FGF14: variants seen among roughly 807,000 people sequenced by gnomAD.
FGF14 encodes fibroblast growth factor 14.
In FGF14, 5 loss-of-function variants were observed where a neutral mutation model predicts 25.5. That is an observed-to-expected ratio of 0.20 (90% CI 0.10 to 0.41). The LOEUF (loss-of-function observed/expected upper bound fraction) is 0.41, where lower values mean the gene tolerates loss of function less well. Ranked by LOEUF, FGF14 falls within the 10% of genes least tolerant of loss-of-function variation. The pLI, the probability that FGF14 is intolerant of heterozygous loss-of-function variation, is 1.00. For missense variants in FGF14, 222 were observed against 320.1 expected (o/e 0.69, Z 2.34); for synonymous variants, 138 against 118.3 (o/e 1.17, Z -1.08).
At chr13:101,825,029 CT>C (rs1178769114) in intron 3 of FGF14, among the ~76,000 whole-genome samples, 1 of 152,170 alleles carries the variant, frequency 6.6e-6, no homozygotes, top group East Asian at 1.9e-4. Flanking sequence ...TTCATATGTC[CT>C]TTGTAATAAA....
rs1415051 is a variant in FGF14, at chr13:102,178,583, T to G, written c.208+222888A>C. 2.9e-3 allele frequency among the ~76,000 whole-genome samples: 436 copies of G among 152,236 alleles called. 3 individuals carry two copies. The highest frequency in any genetic ancestry group is 0.01 in the African/African-American group (417 of 41,556). On this transcript the variant is annotated intron_variant, in intron 1 of 4. Coordinates refer to the FGF14 transcript ENST00000376131. ...AGTTTCTAATGCCTATTATTCTATA[T>G]TCTATGTCCACGTGTACACGTTATT...
intron 1 of FGF14, among the ~76,000 whole-genome samples, chr13:102,090,737 C>T (rs1566672542): frequency 1.3e-5 from 2 of 152,188 alleles, no homozygotes; most frequent in African/African-American, 2.4e-5. Context: ...TCCATTAATG[C>T]CTGTCCATTC....
In FGF14 at chr13:101,780,971, T is replaced by C. The variant is rs115799915; in HGVS notation, c.409-54161A>G. Among the ~76,000 whole-genome samples, 1,156 of 152,200 alleles carry C rather than the reference T, an allele frequency of 7.6e-3. 15 individuals carry two copies. The highest frequency in any genetic ancestry group is 0.026 in the African/African-American group (1,066 of 41,534). ...CCCACTGCTGACAACTCTGCCTCTA[T>C]TTCGTGCGCGTGCCTCATCAGCCAC... On this transcript the variant is annotated intron_variant, in intron 3 of 4. Coordinates refer to ENST00000376143, the MANE Select transcript of FGF14 (RefSeq NM_004115.4).
At chr13:101,807,130 T>A (rs2041247588) in intron 3 of FGF14, among the ~76,000 whole-genome samples, 1 of 152,170 alleles carries the variant, frequency 6.6e-6, no homozygotes, top group Admixed American at 6.6e-5. Context: ...AACCTTATTC[T>A]TTTAGTTCAC....
intron 1 of FGF14, among the ~76,000 whole-genome samples, chr13:102,272,570 C>T (rs1022598765): frequency 5.9e-5 from 9 of 152,096 alleles, no homozygotes; most frequent in Non-Finnish European, 8.8e-5. Context: ...TAAATGACTA[C>T]GGCACACAAG....
chr13:102,303,249 C>G (rs1238601319), intron 1 of FGF14, among the ~76,000 whole-genome samples: 1 of 152,166 alleles, frequency 6.6e-6, no homozygotes, highest in Non-Finnish European at 1.5e-5. Flanking sequence ...GTGAGGATTT[C>G]CTTAACCATC....
intron 1 of FGF14, among the ~76,000 whole-genome samples, chr13:102,006,791 G>A (rs1451091959): frequency 8.3e-6 from 1 of 121,002 alleles, no homozygotes; most frequent in Non-Finnish European, 1.6e-5. Flanking sequence ...AGGTCGGACT[G>A]CGGACTGCAG....
chr13:102,390,744 A>G (rs919412555), intron 1 of FGF14, among the ~76,000 whole-genome samples: 3 of 152,232 alleles, frequency 2.0e-5, no homozygotes, highest in Non-Finnish European at 4.4e-5. Flanking sequence ...GTTGTTATCA[A>G]CTAATAATAA....
exon 1 of FGF14, chr13:102,401,732 A>G (rs576767319): frequency 2.0e-6 from 3 of 1,474,074 alleles, no homozygotes; most frequent in South Asian, 2.3e-5. Flanking sequence ...CTCACGTGGT[A>G]TATTTCTTTG....
rs562788459 is a variant in FGF14, at chr13:101,822,274, C to T, written c.408+46451G>A. On this transcript the variant is annotated intron_variant, in intron 3 of 4. Coordinates refer to ENST00000376143, the MANE Select transcript of FGF14 (RefSeq NM_004115.4). Reference sequence around the variant, plus strand: ...TTTTTATGGAAAAGGCCATTCCACACCCACTGAATTGCAGTGGAGACTTTA... The same window carrying T: ...TTTTTATGGAAAAGGCCATTCCACATCCACTGAATTGCAGTGGAGACTTTA... 1.6e-4 allele frequency among the ~76,000 whole-genome samples: 25 copies of T among 152,226 alleles called. No homozygotes were observed. The East Asian group carries it at 4.8e-3, about 29-fold the overall frequency.
At chr13:101,725,905 A>G (rs2139683625) in intron 4 of FGF14, among the ~76,000 whole-genome samples, 1 of 152,236 alleles carries the variant, frequency 6.6e-6, no homozygotes, top group East Asian at 1.9e-4. Context: ...GATTAATTAA[A>G]AAAACTTTGT....
At chr13:101,728,255 C>G (rs907867168) in intron 3 of FGF14, among the ~76,000 whole-genome samples, 11 of 152,116 alleles carry the variant, frequency 7.2e-5, no homozygotes, top group Non-Finnish European at 1.0e-4. Context: ...ACAAAGATGA[C>G]AGTTACAGTG....
At chr13:102,267,980 G>A (rs1428421033) in intron 1 of FGF14, among the ~76,000 whole-genome samples, 4 of 152,006 alleles carry the variant, frequency 2.6e-5, no homozygotes, top group African/African-American at 9.7e-5. Flanking sequence ...ATTCAATTTA[G>A]CTATAAATAG....
chr13:101,762,837 C>G lies in FGF14; in HGVS notation c.409-36027G>C, dbSNP rs1056821300. Reference sequence around the variant, plus strand: ...TTCCAAATCCGTATCATGTCAAATCCTACCTCCCATGGTGTCACATTTTTC... The same window carrying G: ...TTCCAAATCCGTATCATGTCAAATCGTACCTCCCATGGTGTCACATTTTTC... On this transcript the variant is annotated intron_variant, in intron 3 of 4. Transcript: ENST00000376143. Among the ~76,000 whole-genome samples, 3 of 152,148 alleles carry G rather than the reference C, an allele frequency of 2.0e-5. No individual in the cohort carries two copies. In the East Asian group the frequency reaches 5.8e-4, roughly 29 times the overall value.
intron 2 of FGF14, among the ~76,000 whole-genome samples, chr13:101,872,119 T>A (rs966963919): frequency 6.6e-6 from 1 of 151,900 alleles, no homozygotes; most frequent in African/African-American, 2.4e-5. Context: ...TTCATGAAGA[T>A]ACGAAAGTTC....
intron 1 of FGF14, among the ~76,000 whole-genome samples, chr13:102,379,708 G>T (rs1216057964): frequency 6.6e-6 from 1 of 152,026 alleles, no homozygotes; most frequent in Non-Finnish European, 1.5e-5. Context: ...GGCCAACTTT[G>T]TTTACTTATC....
chr13:101,811,100 T>C (rs2041487122), intron 3 of FGF14, among the ~76,000 whole-genome samples: 2 of 145,502 alleles, frequency 1.4e-5, no homozygotes, highest in Admixed American at 7.0e-5. Flanking sequence ...TCTATGAAAC[T>C]GCACTGACAA....
intron 1 of FGF14, among the ~76,000 whole-genome samples, chr13:102,163,547 C>T (rs2047871095): frequency 6.6e-6 from 1 of 152,004 alleles, no homozygotes; most frequent in Admixed American, 6.6e-5. Context: ...AGTTGTGTAC[C>T]GTGTCTTAGA....
intron 1 of FGF14, among the ~76,000 whole-genome samples, chr13:102,052,756 G>C (rs1347322020): frequency 6.6e-6 from 1 of 152,054 alleles, no homozygotes; most frequent in Non-Finnish European, 1.5e-5. Flanking sequence ...ATAATCACCA[G>C]ACCTGTTTTA....
Sources: allele counts gnomAD v4.1 joint callset (sites outside exome capture counted in the v4.1 genomes callset), GRCh38; gene constraint gnomAD v4.1.1; transcripts MANE v1.5; gene names NCBI Gene and HGNC (gene_info 2026-07-23, HGNC 2026-07-21).